Variants in CREBBP observed in about 807,000 individuals in gnomAD.
The protein encoded by CREBBP is CREB binding lysine acetyltransferase.
Under a neutral mutation model 265.0 loss-of-function variants are expected in CREBBP, and 19 were observed. The ratio of observed to expected loss-of-function variants is 0.07; its 90% CI spans 0.05 to 0.11. CREBBP has a LOEUF of 0.11. CREBBP is among the 10% of genes least tolerant of loss of function. The pLI, the probability that CREBBP is intolerant of heterozygous loss-of-function variation, is 1.00. For missense variants in CREBBP, 2,525 were observed against 3,219.0 expected (o/e 0.78, Z 5.22); for synonymous variants, 1,457 against 1,223.7 (o/e 1.19, Z -3.98).
intron 3 of CREBBP, among the ~76,000 whole-genome samples, chr16:3,809,353 T>C (rs2053892680): frequency 6.6e-6 from 1 of 152,148 alleles, no homozygotes; most frequent in Admixed American, 6.5e-5. Context: ...AATTTTTGTA[T>C]TTTTAGCAGA....
At chr16:3,782,576 C>T (rs1169260067) in intron 6 of CREBBP, 108 bp downstream of exon 6, 19 of 1,411,532 alleles carry the variant, frequency 1.3e-5, no homozygotes, top group South Asian at 1.1e-4. Context: ...TTTCAACCAC[C>T]GTAGTAAAAA....
intron 5 of CREBBP, among the ~76,000 whole-genome samples, chr16:3,788,545 T>C (rs1220288331): frequency 6.6e-6 from 1 of 152,224 alleles, no homozygotes; most frequent in African/African-American, 2.4e-5. Context: ...AGGACTGACA[T>C]AAGATACTTA....
intron 16 of CREBBP, among the ~76,000 whole-genome samples, chr16:3,759,967 G>A (rs139107786): frequency 3.0e-4 from 46 of 152,312 alleles, no homozygotes; most frequent in Admixed American, 1.2e-3. Context: ...AGCAGTCAGC[G>A]TGTCACGACC....
chr16:3,824,946 C>G (rs1448178275), intron 2 of CREBBP, among the ~76,000 whole-genome samples: 1 of 152,180 alleles, frequency 6.6e-6, no homozygotes, highest in East Asian at 1.9e-4. Context: ...CTTGTGGTTT[C>G]TGGTTTAAAT....
intron 2 of CREBBP, 149 bp downstream of exon 2, chr16:3,850,148 A>G (rs1362795893): frequency 3.9e-6 from 3 of 764,918 alleles, no homozygotes; most frequent in Non-Finnish European, 6.8e-6. Flanking sequence ...TTTATCCTAG[A>G]AAGAAATCTG....
intron 1 of CREBBP, among the ~76,000 whole-genome samples, chr16:3,877,883 G>A (rs570771462): frequency 1.3e-5 from 2 of 152,204 alleles, no homozygotes; most frequent in Non-Finnish European, 2.9e-5. Context: ...TCCCACGAAA[G>A]AGCCCCTGTG....
intron 1 of CREBBP, among the ~76,000 whole-genome samples, chr16:3,860,877 A>G (rs926937914): frequency 2.6e-5 from 4 of 152,092 alleles, no homozygotes; most frequent in Non-Finnish European, 4.4e-5. Flanking sequence ...GGACACAGGA[A>G]GTGCAGTCTG....
chr16:3,820,363 C>T (rs958315438), intron 2 of CREBBP, among the ~76,000 whole-genome samples: 10 of 152,206 alleles, frequency 6.6e-5, no homozygotes, highest in Admixed American at 5.9e-4. Flanking sequence ...CAGCACTTGG[C>T]TGTCCAGGGT....
intron 1 of CREBBP, among the ~76,000 whole-genome samples, chr16:3,873,485 T>G (rs1010618319): frequency 6.6e-6 from 1 of 152,178 alleles, no homozygotes; most frequent in Non-Finnish European, 1.5e-5. Context: ...TTCTGTCCTT[T>G]CCAGAACTGC....
At chr16:3,819,635 T>C (rs1250676685) in intron 2 of CREBBP, among the ~76,000 whole-genome samples, 1 of 152,236 alleles carries the variant, frequency 6.6e-6, no homozygotes, top group Admixed American at 6.5e-5. Flanking sequence ...TTGCTATTTG[T>C]AGAAATACTC....
chr16:3,788,303 G>C (rs556778849), intron 5 of CREBBP, among the ~76,000 whole-genome samples: 5 of 152,302 alleles, frequency 3.3e-5, no homozygotes, highest in African/African-American at 9.6e-5. Context: ...TAATCACCCA[G>C]GATTTTTATA....
intron 16 of CREBBP, among the ~76,000 whole-genome samples, chr16:3,763,476 T>C (rs2052771127): frequency 6.6e-6 from 1 of 152,118 alleles, no homozygotes; most frequent in African/African-American, 2.4e-5. Flanking sequence ...CAATTTTGTT[T>C]TGAGACGAAG....
chr16:3,758,077 A>T lies in CREBBP; in HGVS notation c.3370-29T>A, dbSNP rs73493530. 3.5e-4 allele frequency: 568 copies of T among 1,611,660 alleles called. No homozygotes were observed. In the African/African-American group the frequency reaches 6.8e-3, roughly 19 times the overall value. On this transcript the variant is annotated intron_variant, in intron 17 of 30. Coordinates refer to ENST00000262367, the MANE Select transcript of CREBBP (RefSeq NM_004380.3). ...AAAAAAAAAAAAATGGTCTCAGTAT[A>T]GGGAATCCCCCAATATCCAAATGCC...
intron 16 of CREBBP, among the ~76,000 whole-genome samples, chr16:3,762,261 C>T (rs1276505592): frequency 2.0e-5 from 3 of 151,824 alleles, no homozygotes; most frequent in Admixed American, 6.6e-5. Context: ...CAGTGGTAAT[C>T]GGGAGTGACA....
In CREBBP at chr16:3,782,904, A is replaced by G. The variant is rs2053306064; in HGVS notation, c.1353T>C (p.Ser451=). ...CAGAACCAATTGTGTTTTGAATTCC[A>G]CTAGCTGGAGACCCCAGGATGGCTA... The part of the protein sequence containing the change: ...NQQTILGSPA[S]GIQNTIGSVG... The change falls in exon 6 of 31, where the codon AGT becomes AGC. Residue 451 remains serine (S), a synonymous_variant. Transcript: ENST00000262367. 2.5e-6 allele frequency: 4 copies of G among 1,614,120 alleles called. No individual in the cohort carries two copies. The highest frequency in any genetic ancestry group is 3.4e-6 in the Non-Finnish European group (4 of 1,180,054).
chr16:3,773,130 T>C (rs1350087424), intron 13 of CREBBP, among the ~76,000 whole-genome samples: 4 of 152,052 alleles, frequency 2.6e-5, no homozygotes, highest in Non-Finnish European at 5.9e-5. Context: ...AAGAATTTTA[T>C]CTTTTAGGGA....
intron 1 of CREBBP, among the ~76,000 whole-genome samples, chr16:3,865,527 T>C (rs73503933): frequency 0.015 from 2,264 of 152,294 alleles, 61 homozygotes; most frequent in African/African-American, 0.053. Context: ...ACAGCACTAC[T>C]TCCAGTGGTT....
At chr16:3,774,807 A>C (rs759927511) in intron 11 of CREBBP, 114 bp from the exon 12 acceptor site, 34 of 1,348,408 alleles carry the variant, frequency 2.5e-5, no homozygotes, top group Non-Finnish European at 3.5e-5. Context: ...GCAACAGAAA[A>C]CTGAAAAGAA....
At chr16:3,769,761 C>T (rs2052953674) in intron 14 of CREBBP, among the ~76,000 whole-genome samples, 1 of 152,180 alleles carries the variant, frequency 6.6e-6, no homozygotes. Context: ...TACCCAAAGA[C>T]AGTGTTACCC....
Sources: gnomAD v4.1 joint callset for allele counts (sites outside exome capture counted in the v4.1 genomes callset) on GRCh38, gnomAD v4.1.1 for gene constraint, MANE v1.5 for transcripts, NCBI Gene and HGNC (gene_info 2026-07-23, HGNC 2026-07-21) for gene names.